LRSAM1: variants seen among roughly 807,000 people sequenced by gnomAD.
LRSAM1 encodes E3 ubiquitin-protein ligase LRSAM1.
Under a neutral mutation model 118.1 loss-of-function variants are expected in LRSAM1, and 96 were observed. The observed-to-expected ratio is 0.81, with a 90% confidence interval of 0.69 to 0.96. The LOEUF (loss-of-function observed/expected upper bound fraction) is 0.96. LRSAM1 is among the 40% of genes least tolerant of loss of function. LRSAM1 has a pLI of 0.00. For synonymous variants in LRSAM1, 322 were observed against 364.2 expected, an observed-to-expected ratio of 0.88 and a Z score of 1.32; for missense variants, 804 against 915.5, an observed-to-expected ratio of 0.88 and a Z score of 1.57.
intron 3 of LRSAM1, 110 bp downstream of exon 3, chr9:127,454,709 C>A: frequency 8.6e-7 from 1 of 1,158,916 alleles, no homozygotes. Flanking sequence ...TCTGCCTCCC[C>A]CACCCACAGA....
chr9:127,456,129 G>C (rs1834506218), intron 5 of LRSAM1, among the ~76,000 whole-genome samples: 1 of 137,192 alleles, frequency 7.3e-6, no homozygotes, highest in Non-Finnish European at 1.5e-5. Flanking sequence ...ATGGGTAGAA[G>C]CGCTCTAAGT....
At chr9:127,454,891 T>G (rs1182835824) in intron 3 of LRSAM1, 107 bp from the exon 4 acceptor site, 1 of 1,100,362 alleles carries the variant, frequency 9.1e-7, no homozygotes, top group African/African-American at 1.5e-5. Context: ...AACCAGATAG[T>G]GTCTATGGTC....
At chr9:127,486,942 G>T (rs773494255) in intron 17 of LRSAM1, among the ~76,000 whole-genome samples, 1 of 152,136 alleles carries the variant, frequency 6.6e-6, no homozygotes, top group Non-Finnish European at 1.5e-5. Context: ...CAGCACTTTG[G>T]GAGGCCGAGG....
At chr9:127,484,529 AT>A (rs527770831) in intron 16 of LRSAM1, among the ~76,000 whole-genome samples, 546 of 140,724 alleles carry the variant, frequency 3.9e-3, no homozygotes, top group African/African-American at 4.5e-3. Context: ...CACCTGGCTA[AT>A]TTTTTTTTTT....
chr9:127,502,965 C>G lies in LRSAM1; in HGVS notation c.*66C>G. 6.5e-7 allele frequency: 1 copy of G among 1,547,056 alleles called. No individual in the cohort carries two copies. The highest frequency in any genetic ancestry group is 8.7e-7 in the Non-Finnish European group (1 of 1,146,808). Reference sequence around the variant, plus strand: ...GGCCACTGTGAGCCCCGGGCTCCTGCTCAGCCTTGTGCCAGCCAGACTCGT... The same window carrying G: ...GGCCACTGTGAGCCCCGGGCTCCTGGTCAGCCTTGTGCCAGCCAGACTCGT... On this transcript the variant is annotated 3_prime_UTR_variant, in exon 26 of 26. Transcript: ENST00000300417.
At chr9:127,475,131 G>A (rs1271739325) in intron 11 of LRSAM1, among the ~76,000 whole-genome samples, 1 of 152,054 alleles carries the variant, frequency 6.6e-6, no homozygotes, top group African/African-American at 2.4e-5. Context: ...AATTGTGCCA[G>A]TTCACATTCT....
Position 127,457,373 on chromosome 9 carries a change from C to G in LRSAM1, c.232C>G (p.Leu78Val). The G allele has an allele frequency of 1.9e-6, 3 of 1,614,236 alleles. No individual in the cohort carries two copies. Among genetic ancestry groups the G allele is most frequent in the Non-Finnish European group, 2.5e-6 (3 of 1,180,036 alleles). The change falls in exon 6 of 26, where the codon CTG becomes GTG. Residue 78 changes from leucine (L) to valine (V), a missense_variant. Leu to Val is a conservative substitution (Grantham distance 32). Coordinates refer to ENST00000300417, the MANE Select transcript of LRSAM1 (RefSeq NM_001005373.4). Reference sequence around the variant, plus strand: ...CCTGCTTCCCAAATCCTGCAGCCTCCTGAGTCTGGCAACCATCAAGGTACT... The same window carrying G: ...CCTGCTTCCCAAATCCTGCAGCCTCGTGAGTCTGGCAACCATCAAGGTACT... The part of the protein sequence containing the change: ...TSLLPKSCSL[L>V]SLATIKVLDL...
chr9:127,478,910 A>T, intron 11 of LRSAM1, 24 bp from the exon 12 acceptor site: 1 of 1,613,812 alleles, frequency 6.2e-7, no homozygotes, highest in Middle Eastern at 1.7e-4. Context: ...CCCTCTCTTG[A>T]CCACTGTCTT....
intron 2 of LRSAM1, among the ~76,000 whole-genome samples, 151 bp from the exon 3 acceptor site, chr9:127,454,345 C>T (rs548793451): frequency 3.9e-5 from 6 of 152,202 alleles, no homozygotes; most frequent in African/African-American, 9.6e-5. Flanking sequence ...CCGCTGCCTC[C>T]GTGGAACTCA....
At chr9:127,474,959 G>C (rs555654344) in intron 11 of LRSAM1, among the ~76,000 whole-genome samples, 1 of 152,126 alleles carries the variant, frequency 6.6e-6, no homozygotes, top group Admixed American at 6.6e-5. Flanking sequence ...CGGGCATTTG[G>C]CTTCATATCT....
At chr9:127,471,304 C>T (rs1835157662) in intron 10 of LRSAM1, among the ~76,000 whole-genome samples, 2 of 151,508 alleles carry the variant, frequency 1.3e-5, no homozygotes, top group Non-Finnish European at 2.9e-5. Flanking sequence ...AAAACTTCAT[C>T]TCTACAAAAA....
At chr9:127,479,551 C>A in intron 13 of LRSAM1, 46 bp downstream of exon 13, 2 of 1,610,378 alleles carry the variant, frequency 1.2e-6, no homozygotes, top group Non-Finnish European at 1.7e-6. Context: ...CATCCCCCAG[C>A]CAGTGGCCTC....
Position 127,457,310 on chromosome 9 carries a change from A to T in LRSAM1, c.175-6A>T. The T allele has an allele frequency of 6.2e-7, 1 of 1,614,034 alleles. No homozygotes were observed. The highest frequency in any genetic ancestry group is 8.5e-7 in the Non-Finnish European group (1 of 1,180,012). On this transcript the variant is annotated splice_region_variant and splice_polypyrimidine_tract_variant and intron_variant, in intron 5 of 25. Coordinates refer to ENST00000300417, the MANE Select transcript of LRSAM1 (RefSeq NM_001005373.4). ...GCCCAGCATGGCCGCACATCTCTCCACACAGGTGCTGATCGTCCACACGAA... is the reference window on the plus strand; with the variant it reads ...GCCCAGCATGGCCGCACATCTCTCCTCACAGGTGCTGATCGTCCACACGAA...
In LRSAM1 at chr9:127,501,054, C is replaced by A. The variant is rs564250195; in HGVS notation, c.1957C>A (p.Gln653Lys). Reference protein sequence around the residue: ...MGEVVTPTAPQEPPESVRPSA... With the variant: ...MGEVVTPTAPKEPPESVRPSA... The stretch of plus-strand genomic sequence containing the variant: ...TGAGGTCGTCACCCCTACGGCCCCC[C>A]AGGAGCCTCCTGAGTCTGTGAGGCC... Residue 653 changes from glutamine to lysine, a missense_variant, in exon 25 of 26, where the codon CAG (glutamine) becomes AAG (lysine). Gln to Lys is a moderately conservative substitution (Grantham distance 53). Transcript: ENST00000300417. The A allele has an allele frequency of 6.2e-7, 1 of 1,614,060 alleles. No individual in the cohort carries two copies. Among genetic ancestry groups the A allele is most frequent in the East Asian group, 2.2e-5 (1 of 44,862 alleles).
intron 21 of LRSAM1, 94 bp downstream of exon 21, chr9:127,492,991 A>T (rs1835990855): frequency 1.9e-6 from 2 of 1,032,486 alleles, no homozygotes; most frequent in Admixed American, 1.9e-5. Flanking sequence ...TTCAAGTAAG[A>T]GTTATTCATC....
chr9:127,479,558 C>A, intron 13 of LRSAM1, 53 bp downstream of exon 13: 6 of 1,608,754 alleles, frequency 3.7e-6, no homozygotes, highest in Non-Finnish European at 5.1e-6. Flanking sequence ...CAGCCAGTGG[C>A]CTCCTGGCTT....
intron 10 of LRSAM1, among the ~76,000 whole-genome samples, chr9:127,468,830 A>AC (rs1266177061): frequency 6.7e-5 from 10 of 149,234 alleles, no homozygotes; most frequent in African/African-American, 1.7e-4. Context: ...AAAAAAAAAA[A>AC]AAAAAAAAAT....
intron 24 of LRSAM1, among the ~76,000 whole-genome samples, chr9:127,498,674 G>C (rs1464456780): frequency 6.6e-6 from 1 of 152,206 alleles, no homozygotes; most frequent in Non-Finnish European, 1.5e-5. Flanking sequence ...GCCATGGTGG[G>C]ATCCGTCCTC....
At chr9:127,455,677 C>A (rs1414809511) in intron 5 of LRSAM1, 57 bp downstream of exon 5, 2 of 1,550,052 alleles carry the variant, frequency 1.3e-6, no homozygotes, top group East Asian at 2.2e-5. Context: ...TTGTTTGAAC[C>A]CACAAGGGAC....
Sources: allele counts gnomAD v4.1 joint callset (sites outside exome capture counted in the v4.1 genomes callset), GRCh38; gene constraint gnomAD v4.1.1; transcripts MANE v1.5; gene names NCBI Gene and HGNC (gene_info 2026-07-23, HGNC 2026-07-21).